The following KCND2 variants were observed in gnomAD, a reference collection of about 807,000 sequenced individuals.
KCND2 encodes the protein A-type voltage-gated potassium channel KCND2.
In KCND2, 16 loss-of-function variants were observed where a neutral mutation model predicts 54.4. The ratio of observed to expected loss-of-function variants is 0.29; its 90% CI spans 0.20 to 0.45. The LOEUF (loss-of-function observed/expected upper bound fraction) is 0.45. KCND2 is among the 20% of genes least tolerant of loss of function. The pLI is 1.00. For synonymous variants in KCND2, 317 were observed against 310.7 expected, an observed-to-expected ratio of 1.02 and a Z score of -0.21; for missense variants, 486 against 824.2, an observed-to-expected ratio of 0.59 and a Z score of 5.02.
At chr7:120,483,571 ACT>A (rs1352865390) in intron 1 of KCND2, among the ~76,000 whole-genome samples, 4 of 152,346 alleles carry the variant, frequency 2.6e-5, no homozygotes, top group Non-Finnish European at 5.9e-5. Context: ...GAAATAAAGA[ACT>A]CAGCAATGGT....
At chr7:120,657,129 G>A (rs1052117116) in intron 1 of KCND2, among the ~76,000 whole-genome samples, 5 of 152,080 alleles carry the variant, frequency 3.3e-5, no homozygotes, top group South Asian at 4.1e-4. Context: ...AGCTATAGCC[G>A]TGTGTCAAGA....
chr7:120,515,267 G>C (rs561262331), intron 1 of KCND2, among the ~76,000 whole-genome samples: 1 of 151,990 alleles, frequency 6.6e-6, no homozygotes, highest in Non-Finnish European at 1.5e-5. Flanking sequence ...TCATGGCTCA[G>C]TGGAAACACA....
chr7:120,278,503 A>T (rs890834479), intron 1 of KCND2, among the ~76,000 whole-genome samples: 2 of 151,306 alleles, frequency 1.3e-5, no homozygotes, highest in Non-Finnish European at 3.0e-5. Flanking sequence ...GTGGTTATTG[A>T]AAGTTCCATC....
At chr7:120,522,596 CTG>C (rs1400543441) in intron 1 of KCND2, among the ~76,000 whole-genome samples, 1 of 152,160 alleles carries the variant, frequency 6.6e-6, no homozygotes, top group African/African-American at 2.4e-5. Flanking sequence ...CTTTCAAACA[CTG>C]TTACAAATCC....
intron 1 of KCND2, among the ~76,000 whole-genome samples, chr7:120,677,450 T>C (rs528996802): frequency 6.6e-6 from 1 of 151,778 alleles, no homozygotes; most frequent in East Asian, 1.9e-4. Flanking sequence ...CTTTGTGAAA[T>C]AGTTGAGGAT....
chr7:120,682,282 T>C (rs1584882162), intron 1 of KCND2, among the ~76,000 whole-genome samples: 1 of 152,100 alleles, frequency 6.6e-6, no homozygotes, highest in African/African-American at 2.4e-5. Context: ...AAGATATTAA[T>C]AAACATGGGG....
intron 1 of KCND2, among the ~76,000 whole-genome samples, chr7:120,653,786 C>T (rs1377515115): frequency 1.3e-5 from 2 of 152,148 alleles, no homozygotes; most frequent in African/African-American, 4.8e-5. Context: ...AGTTCCTGAT[C>T]TCGAGGTCTC....
At chr7:120,555,224 G>A (rs1792149442) in intron 1 of KCND2, among the ~76,000 whole-genome samples, 1 of 152,130 alleles carries the variant, frequency 6.6e-6, no homozygotes, top group African/African-American at 2.4e-5. Context: ...TAAACTCATA[G>A]AGGATTTGGG....
At chr7:120,394,567 TG>T (rs770439002) in intron 1 of KCND2, among the ~76,000 whole-genome samples, 12 of 151,994 alleles carry the variant, frequency 7.9e-5, no homozygotes, top group Non-Finnish European at 1.3e-4. Context: ...CCTAATCTTG[TG>T]GCCTTTCATT....
At chr7:120,436,856 C>A (rs1801873795) in intron 1 of KCND2, among the ~76,000 whole-genome samples, 1 of 152,208 alleles carries the variant, frequency 6.6e-6, no homozygotes. Flanking sequence ...TCAGCTGTCT[C>A]AGCCCACATG....
At chr7:120,610,955 A>G (rs1318059260) in intron 1 of KCND2, among the ~76,000 whole-genome samples, 1 of 152,120 alleles carries the variant, frequency 6.6e-6, no homozygotes, top group Non-Finnish European at 1.5e-5. Flanking sequence ...CCTCACATCT[A>G]CCAAAAGCCA....
chr7:120,551,043 A>G (rs958293189), intron 1 of KCND2, among the ~76,000 whole-genome samples: 7 of 152,226 alleles, frequency 4.6e-5, no homozygotes, highest in African/African-American at 1.7e-4. Context: ...AATTGGCATT[A>G]AAGTTCAATA....
chr7:120,687,332 T>C (rs992141146), intron 1 of KCND2, among the ~76,000 whole-genome samples: 3 of 152,132 alleles, frequency 2.0e-5, no homozygotes, highest in Non-Finnish European at 4.4e-5. Context: ...TTATGGTAGA[T>C]TAATGAATTC....
intron 1 of KCND2, among the ~76,000 whole-genome samples, chr7:120,297,123 A>T (rs1799522982): frequency 6.6e-6 from 1 of 152,054 alleles, no homozygotes; most frequent in Non-Finnish European, 1.5e-5. Flanking sequence ...TCCATTACCC[A>T]CATCACGTAC....
chr7:120,351,410 ACACT>A (rs1306319207), intron 1 of KCND2, among the ~76,000 whole-genome samples: 235 of 96,128 alleles, frequency 2.4e-3, no homozygotes, highest in African/African-American at 7.0e-3. Context: ...ACACACACAC[ACACT>A]CTCTCTCTCT....
At chr7:120,443,283 T>G (rs1025151117) in intron 1 of KCND2, among the ~76,000 whole-genome samples, 2 of 151,772 alleles carry the variant, frequency 1.3e-5, no homozygotes, top group Non-Finnish European at 2.9e-5. Context: ...CCTCCCCTTT[T>G]CTGGTTTCAA....
At chr7:120,698,769 A>G (rs1792363273) in intron 1 of KCND2, among the ~76,000 whole-genome samples, 1 of 152,232 alleles carries the variant, frequency 6.6e-6, no homozygotes, top group African/African-American at 2.4e-5. Flanking sequence ...GAATTTGGCA[A>G]TAGATTCTGC....
chr7:120,381,680 C>T (rs966296268), intron 1 of KCND2, among the ~76,000 whole-genome samples: 4 of 151,638 alleles, frequency 2.6e-5, no homozygotes, highest in South Asian at 2.1e-4. Context: ...GTAAGATCTC[C>T]GAAAAGTTAG....
intron 1 of KCND2, among the ~76,000 whole-genome samples, chr7:120,287,667 G>A (rs993788294): frequency 1.3e-5 from 2 of 151,964 alleles, no homozygotes; most frequent in African/African-American, 2.4e-5. Context: ...AGCCTGACCA[G>A]CATAGTGAAA....
Sources: gnomAD v4.1 joint callset for allele counts (sites outside exome capture counted in the v4.1 genomes callset) on GRCh38, gnomAD v4.1.1 for gene constraint, MANE v1.5 for transcripts, NCBI Gene and HGNC (gene_info 2026-07-23, HGNC 2026-07-21) for gene names.